Variants in CGN observed in about 807,000 individuals in gnomAD.
CGN encodes cingulin.
In CGN, 121 loss-of-function variants were observed where a neutral mutation model predicts 157.1. That is an observed-to-expected ratio of 0.77 (90% CI 0.66 to 0.90). The LOEUF (loss-of-function observed/expected upper bound fraction) is 0.90, where lower values mean the gene tolerates loss of function less well. Among genes scored for constraint, CGN ranks in the 40% least tolerant of loss-of-function variants. The probability of loss-of-function intolerance (pLI) is 0.00; values close to 1 mark genes in which losing one functional copy is unlikely to be tolerated. For missense variants in CGN, 1,424 were observed against 1,520.9 expected, an observed-to-expected ratio of 0.94 and a Z score of 1.06; for synonymous variants, 535 against 607.5, an observed-to-expected ratio of 0.88 and a Z score of 1.76.
chr1:151,537,237 C>T lies in CGN; in HGVS notation c.3503C>T (p.Ala1168Val). Residue 1168 changes from alanine (A) to valine (V), a missense_variant, in exon 21 of 21, where the codon GCT becomes GTT. Transcript: ENST00000271636. ...RKASRSAAES[A>V]LKNEGLSSDE... ...GCTTCCCGCTCAGCTGCTGAGTCAGCTCTCAAAAACGAAGGGCTGAGCTCA... is the reference window on the plus strand; with the variant it reads ...GCTTCCCGCTCAGCTGCTGAGTCAGTTCTCAAAAACGAAGGGCTGAGCTCA... 6.2e-7 allele frequency: 1 copy of T among 1,614,044 alleles called. No individual in the cohort carries two copies. The highest frequency in any genetic ancestry group is 8.5e-7 in the Non-Finnish European group (1 of 1,179,940).
At chr1:151,536,593 C>A (rs1664974003) in intron 19 of CGN, 137 bp from the exon 20 acceptor site, 3 of 759,920 alleles carry the variant, frequency 3.9e-6, no homozygotes, top group African/African-American at 3.5e-5. Context: ...CCTAAGACAA[C>A]CATGTGAGGT....
chr1:151,531,151 A>T (rs1664827936), intron 13 of CGN, among the ~76,000 whole-genome samples: 1 of 152,016 alleles, frequency 6.6e-6, no homozygotes, highest in Non-Finnish European at 1.5e-5. Flanking sequence ...AAGAAAAAAA[A>T]AAAAAGAATG....
Position 151,529,915 on chromosome 1 carries a change from A to T in CGN, c.2113A>T (p.Met705Leu). The T allele has an allele frequency of 6.2e-7, 1 of 1,613,536 alleles. No homozygotes were observed. The highest frequency in any genetic ancestry group is 8.5e-7 in the Non-Finnish European group (1 of 1,179,752). The change falls in exon 12 of 21, where the codon ATG (methionine) becomes TTG (leucine). Residue 705 changes from methionine (M) to leucine (L), a missense_variant. This residue lies in a region of CGN where 1,187 missense variants were observed against 1,217.6 expected (regional missense o/e 0.97). Coordinates refer to ENST00000271636, the MANE Select transcript of CGN (RefSeq NM_020770.3). ...QDCEEASKAK[M>L]VAEAEATVLG... ...CCCCCTGAACCGTCCTTAGGCTAAG[A>T]TGGTGGCCGAGGCAGAGGCAACAGT... is the stretch of plus-strand genomic sequence containing the variant.
At position 151,523,438 on chromosome 1, in the gene CGN, G is replaced by T; in HGVS notation, c.1145G>T (p.Arg382Leu). ...QRKLDEEVKKRQKLEPSQVGL... is the reference protein window; with the variant it reads ...QRKLDEEVKKLQKLEPSQVGL... The stretch of plus-strand genomic sequence containing the variant: ...TACTCTCATTCCCTTTTACAGAAGC[G>T]GCAGAAGCTAGAGCCATCCCAAGTT... The change falls in exon 6 of 21, where the codon CGG (arginine) becomes CTG (leucine). Residue 382 changes from arginine to leucine, a missense_variant. Coordinates refer to ENST00000271636, the MANE Select transcript of CGN (RefSeq NM_020770.3). 6.2e-7 allele frequency: 1 copy of T among 1,609,290 alleles called. No homozygotes were observed. The highest frequency in any genetic ancestry group is 1.1e-5 in the South Asian group (1 of 90,390).
At chr1:151,516,387 C>T (rs1664413629) in intron 1 of CGN, among the ~76,000 whole-genome samples, 2 of 152,128 alleles carry the variant, frequency 1.3e-5, no homozygotes, top group Admixed American at 1.3e-4. Flanking sequence ...CAATCTCTCC[C>T]CCAAGTTCCT....
chr1:151,511,107 CCGGGATCTTGGCCGGCGGT>C (rs1375911857), upstream of CGN: 1 of 152,294 alleles, frequency 6.6e-6, no homozygotes, highest in East Asian at 1.9e-4. The surrounding 1 kb of genome is among the most constrained non-coding windows in gnomAD (Gnocchi z 4.8). Context: ...CCGACGGCTC[CCGGGATCTTGGCCGGCGGT>C]CACTCGCGAC....
rs759868479 is a variant in CGN, at chr1:151,520,640, G to A, written c.1089G>A (p.Glu363=). ...CTAAGGCCGTGGCAGGGCAGGGTGAGCTTACCCGAAAAGTGGAGGAGCTAC... is the reference window on the plus strand; with the variant it reads ...CTAAGGCCGTGGCAGGGCAGGGTGAACTTACCCGAAAAGTGGAGGAGCTAC... ...GSTKAVAGQG[E]LTRKVEELQR... Residue 363 remains glutamate, a synonymous_variant, in exon 5 of 21, where the codon GAG becomes GAA. Transcript: ENST00000271636. The A allele has an allele frequency of 3.1e-6, 5 of 1,614,064 alleles. No individual in the cohort carries two copies. The highest frequency in any genetic ancestry group is 4.2e-6 in the Non-Finnish European group (5 of 1,180,038).
Position 151,524,570 on chromosome 1 carries a change from C to G in CGN, c.1402-104C>G, listed in dbSNP as rs930366345. ...GGCTCCAGTACTGGTACTAGAGCACCTGGTACTGTGCCTAATACGATAAAT... is the reference window on the plus strand; with the variant it reads ...GGCTCCAGTACTGGTACTAGAGCACGTGGTACTGTGCCTAATACGATAAAT... On this transcript the variant is annotated intron_variant, in intron 7 of 20. Transcript: ENST00000271636. The surrounding 1 kb of genome is among the most constrained non-coding windows in gnomAD (Gnocchi z 4.4). 8.4e-7 allele frequency: 1 copy of G among 1,191,334 alleles called. No homozygotes were observed. Among genetic ancestry groups the G allele is most frequent in the East Asian group, 2.5e-5 (1 of 39,806 alleles). 73.8% of individuals were successfully genotyped at this position (1,191,334 alleles called of 1,614,324 possible).
chr1:151,514,995 A>G (rs1252646638), intron 1 of CGN, among the ~76,000 whole-genome samples: 1 of 151,316 alleles, frequency 6.6e-6, no homozygotes, highest in East Asian at 1.9e-4. Flanking sequence ...TTAGAACCCA[A>G]GTTCAATAAA....
intron 9 of CGN, 104 bp from the exon 10 acceptor site, chr1:151,526,871 G>T: frequency 6.9e-6 from 9 of 1,297,238 alleles, no homozygotes; most frequent in Non-Finnish European, 9.8e-6. Flanking sequence ...GGTGCCCAGC[G>T]TGTTGGCCTC....
At chr1:151,525,469 G>T in intron 8 of CGN, 173 bp from the exon 9 acceptor site, 1 of 446,620 alleles carries the variant, frequency 2.2e-6, no homozygotes, top group East Asian at 3.9e-5. Flanking sequence ...GGTGGACTGT[G>T]ACTTGAGGAG....
chr1:151,528,288 C>G (rs1202489555), intron 10 of CGN, among the ~76,000 whole-genome samples: 1 of 151,954 alleles, frequency 6.6e-6, no homozygotes, highest in Non-Finnish European at 1.5e-5. Flanking sequence ...CACCCAGCCT[C>G]ACACTGTATT....
Position 151,536,848 on chromosome 1 carries a change from A to T in CGN, c.3425A>T (p.Asn1142Ile). Residue 1142 changes from asparagine (N) to isoleucine (I), a missense_variant, in exon 20 of 21, where the codon AAT becomes ATT. Asn to Ile is a moderately radical substitution (Grantham distance 149). This residue lies in a region of CGN where 199 missense variants were observed against 272.2 expected (regional missense o/e 0.73). Coordinates refer to ENST00000271636, the MANE Select transcript of CGN (RefSeq NM_020770.3). Reference sequence around the variant, plus strand: ...GAGGTGGAGGAGCAGCATGAGGTCAATGAACAGCTCCAGGCCCGGATCAAG... The same window carrying T: ...GAGGTGGAGGAGCAGCATGAGGTCATTGAACAGCTCCAGGCCCGGATCAAG... ...QREVEEQHEV[N>I]EQLQARIKSL... 1.2e-6 allele frequency: 2 copies of T among 1,614,168 alleles called. No individual in the cohort carries two copies. Among genetic ancestry groups the T allele is most frequent in the Non-Finnish European group, 1.7e-6 (2 of 1,180,038 alleles).
Position 151,537,512 on chromosome 1 carries a change from A to G in CGN, c.*166A>G, listed in dbSNP as rs1664997193. 1.9e-6 allele frequency: 1 copy of G among 538,914 alleles called. No individual in the cohort carries two copies. The highest frequency in any genetic ancestry group is 3.2e-6 in the Non-Finnish European group (1 of 312,048). The allele number at this position is 538,914 out of a possible 1,614,324, so 33.4% of individuals were successfully genotyped here. ...TGATAAAAAAAAAAAATCATCAGCAATAAGCTGATAGATGGACTTTCCACT... is the reference window on the plus strand; with the variant it reads ...TGATAAAAAAAAAAAATCATCAGCAGTAAGCTGATAGATGGACTTTCCACT... On this transcript the variant is annotated 3_prime_UTR_variant, in exon 21 of 21. Transcript: ENST00000271636.
At chr1:151,516,629 G>A (rs1315930117) in intron 1 of CGN, among the ~76,000 whole-genome samples, 1 of 149,562 alleles carries the variant, frequency 6.7e-6, no homozygotes, top group African/African-American at 2.5e-5. Flanking sequence ...TGTAACCTCC[G>A]TCTCCCAGGT....
chr1:151,519,349 T>G lies in CGN; in HGVS notation c.830T>G (p.Phe277Cys), dbSNP rs775565862. The part of the protein sequence containing the change: ...RQTQDWVLQS[F>C]EEPRRSAQDP... ...ACTCAGGACTGGGTCCTTCAGAGTT[T>G]TGAGGAGCCGCGGAGGAGTGCACAG... is the stretch of plus-strand genomic sequence containing the variant. The change falls in exon 2 of 21, where the codon TTT (phenylalanine) becomes TGT (cysteine). Residue 277 changes from phenylalanine to cysteine, a missense_variant. Physicochemically the swap from Phe to Cys is radical, Grantham distance 205 (BLOSUM62 -2). Transcript: ENST00000271636. The G allele has an allele frequency of 6.2e-7, 1 of 1,606,672 alleles. No homozygotes were observed.
intron 5 of CGN, among the ~76,000 whole-genome samples, chr1:151,521,857 A>G (rs1290388170): frequency 6.6e-6 from 1 of 152,008 alleles, no homozygotes; most frequent in African/African-American, 2.4e-5. Context: ...AGCATTTCCC[A>G]GAGTCTGAGG....
intron 14 of CGN, 118 bp from the exon 15 acceptor site, chr1:151,533,857 G>A (rs1301164322): frequency 2.3e-6 from 2 of 872,722 alleles, no homozygotes; most frequent in Non-Finnish European, 3.5e-6. Flanking sequence ...TCATGCCACT[G>A]GTAATTCTAA....
In CGN at chr1:151,535,078, G is replaced by A. The variant is rs1434480209; in HGVS notation, c.2941G>A (p.Glu981Lys). ...VSRLETELDE[E>K]KNTVELLTDR... ...ACGGCTGGAAACAGAGTTAGATGAG[G>A]AGAAGAACACCGTGGAGCTGCTAAC... is the stretch of plus-strand genomic sequence containing the variant. Residue 981 changes from glutamate (E) to lysine (K), a missense_variant, in exon 16 of 21, where the codon GAG (glutamate) becomes AAG (lysine). By Grantham distance (56) the Glu-to-Lys change is moderately conservative (BLOSUM62 1). This residue lies in a region of CGN where 199 missense variants were observed against 272.2 expected (regional missense o/e 0.73). Transcript: ENST00000271636. The A allele has an allele frequency of 6.2e-7, 1 of 1,614,128 alleles. No homozygotes were observed. The highest frequency in any genetic ancestry group is 8.5e-7 in the Non-Finnish European group (1 of 1,180,008).
Sources: allele counts gnomAD v4.1 joint callset (sites outside exome capture counted in the v4.1 genomes callset), GRCh38; gene constraint gnomAD v4.1.1; regional missense constraint gnomAD v4.1.1; non-coding constraint Gnocchi (gnomAD v3.1); transcripts MANE v1.5; gene names NCBI Gene and HGNC (gene_info 2026-07-23, HGNC 2026-07-21).